The following SLC24A2 variants were observed in gnomAD, a reference collection of about 807,000 sequenced individuals.
The protein encoded by SLC24A2 is solute carrier family 24 member 2.
SLC24A2 carries 36 observed loss-of-function variants against 62.0 expected under a neutral mutation model. That is an observed-to-expected ratio of 0.58 (90% CI 0.44 to 0.77). The LOEUF is 0.77. Ranked by LOEUF, SLC24A2 falls within the 30% of genes least tolerant of loss-of-function variation. The probability of loss-of-function intolerance (pLI) is 0.00; values close to 1 mark genes in which losing one functional copy is unlikely to be tolerated. For synonymous variants in SLC24A2, 358 were observed against 294.0 expected, an observed-to-expected ratio of 1.22 and a Z score of -2.23; for missense variants, 846 against 817.9, an observed-to-expected ratio of 1.03 and a Z score of -0.42.
At chr9:19,614,584 T>A (rs1370616387) in intron 4 of SLC24A2, among the ~76,000 whole-genome samples, 1 of 152,164 alleles carries the variant, frequency 6.6e-6, no homozygotes, top group African/African-American at 2.4e-5. Context: ...TCCCCATGAG[T>A]CTGGGCTGGA....
At chr9:19,564,025 T>G (rs983667099) in intron 7 of SLC24A2, among the ~76,000 whole-genome samples, 2 of 151,794 alleles carry the variant, frequency 1.3e-5, no homozygotes, top group African/African-American at 4.8e-5. Context: ...TGCTAATTTT[T>G]TGTATTTTTG....
chr9:19,759,412 C>A (rs1048456085), intron 2 of SLC24A2, among the ~76,000 whole-genome samples: 12 of 152,182 alleles, frequency 7.9e-5, no homozygotes, highest in African/African-American at 2.9e-4. Context: ...TGCACAGATT[C>A]TGCCAGCTTT....
At chr9:19,862,432 G>T in the SLC24A2 span, among the ~76,000 whole-genome samples, 1 of 152,014 alleles carries the variant, frequency 6.6e-6, no homozygotes, top group Non-Finnish European at 1.5e-5. Context: ...TGTCCTACAA[G>T]AATGCTAAAA....
the SLC24A2 span, among the ~76,000 whole-genome samples, chr9:20,198,975 A>C: frequency 6.6e-6 from 1 of 152,198 alleles, no homozygotes; most frequent in Non-Finnish European, 1.5e-5. Context: ...GCTTTTAGTT[A>C]AATGAGGCAC....
chr9:19,822,258 T>C, the SLC24A2 span, among the ~76,000 whole-genome samples: 299 of 152,320 alleles, frequency 2.0e-3, 4 homozygotes, highest in Non-Finnish European at 6.5e-4. Flanking sequence ...GAGGGGAATG[T>C]TATCCATGCC....
intron 2 of SLC24A2, among the ~76,000 whole-genome samples, chr9:19,727,254 G>T (rs1821198635): frequency 6.6e-6 from 1 of 152,070 alleles, no homozygotes; most frequent in Non-Finnish European, 1.5e-5. Context: ...AGAAGAGGGG[G>T]ATCTGTATAC....
the SLC24A2 span, among the ~76,000 whole-genome samples, chr9:19,821,758 G>A: frequency 6.6e-6 from 1 of 152,062 alleles, no homozygotes; most frequent in African/African-American, 2.4e-5. Context: ...AGGAAGCAAG[G>A]TTATGTGCAT....
chr9:19,634,331 C>A (rs780150764), intron 2 of SLC24A2, among the ~76,000 whole-genome samples: 7 of 147,334 alleles, frequency 4.8e-5, no homozygotes, highest in Non-Finnish European at 1.0e-4. Flanking sequence ...TCTTGTTGCC[C>A]AGGCTGGAGT....
intron 2 of SLC24A2, among the ~76,000 whole-genome samples, chr9:19,662,584 C>A (rs544816874): frequency 2.0e-5 from 3 of 152,162 alleles, no homozygotes; most frequent in African/African-American, 4.8e-5. Flanking sequence ...TGGACAGAGA[C>A]GAAGGAGTGT....
At chr9:19,886,061 G>T in the SLC24A2 span, among the ~76,000 whole-genome samples, 2 of 152,158 alleles carry the variant, frequency 1.3e-5, no homozygotes, top group African/African-American at 4.8e-5. Context: ...AGGAACATAT[G>T]TGTGCATGTG....
At chr9:19,629,002 T>C (rs939507634) in intron 2 of SLC24A2, among the ~76,000 whole-genome samples, 2 of 152,168 alleles carry the variant, frequency 1.3e-5, no homozygotes. Flanking sequence ...GAATACTTTG[T>C]AGCAAATGAG....
At chr9:19,895,861 G>C in the SLC24A2 span, 1 of 1,611,496 alleles carries the variant, frequency 6.2e-7, no homozygotes, top group Non-Finnish European at 8.5e-7. Context: ...AGCAAAGAAG[G>C]GGTGCAGCAG....
the SLC24A2 span, among the ~76,000 whole-genome samples, chr9:20,147,662 G>A: frequency 6.6e-6 from 1 of 151,936 alleles, no homozygotes; most frequent in Non-Finnish European, 1.5e-5. Flanking sequence ...TTTATTACAA[G>A]AAAAGAAGAT....
chr9:20,050,184 A>G, the SLC24A2 span, among the ~76,000 whole-genome samples: 1 of 149,080 alleles, frequency 6.7e-6, no homozygotes, highest in African/African-American at 2.5e-5. Context: ...TAATTGAATC[A>G]GTGTAAAATA....
At chr9:20,054,577 C>T in the SLC24A2 span, among the ~76,000 whole-genome samples, 2 of 152,128 alleles carry the variant, frequency 1.3e-5, no homozygotes, top group Non-Finnish European at 2.9e-5. Context: ...TTATACCTCA[C>T]CCCCCTCCCA....
chr9:20,246,321 T>C, the SLC24A2 span, among the ~76,000 whole-genome samples: 4 of 152,198 alleles, frequency 2.6e-5, no homozygotes, highest in African/African-American at 9.6e-5. Flanking sequence ...AAAATTTCCA[T>C]CACACAGCTG....
the SLC24A2 span, among the ~76,000 whole-genome samples, chr9:19,795,119 T>C: frequency 6.6e-6 from 1 of 152,214 alleles, no homozygotes; most frequent in Non-Finnish European, 1.5e-5. Flanking sequence ...TGTCACTATT[T>C]TCCCAGCTCG....
At chr9:19,606,210 A>G (rs1302853537) in intron 4 of SLC24A2, among the ~76,000 whole-genome samples, 1 of 152,254 alleles carries the variant, frequency 6.6e-6, no homozygotes, top group Non-Finnish European at 1.5e-5. Flanking sequence ...TGCATGAAAA[A>G]AAAATCCATA....
the SLC24A2 span, among the ~76,000 whole-genome samples, chr9:20,296,594 T>C: frequency 6.6e-6 from 1 of 152,250 alleles, no homozygotes; most frequent in Non-Finnish European, 1.5e-5. Context: ...GACCTCTCTT[T>C]GCACATCTGC....
Sources: allele counts gnomAD v4.1 joint callset (sites outside exome capture counted in the v4.1 genomes callset), GRCh38; gene constraint gnomAD v4.1.1; transcripts MANE v1.5; gene names NCBI Gene and HGNC (gene_info 2026-07-23, HGNC 2026-07-21).